Variants in ULK4 observed in about 807,000 individuals in gnomAD.
ULK4 encodes inactive serine/threonine-protein kinase ULK4.
In ULK4, 133 loss-of-function variants were observed where a neutral mutation model predicts 160.6. The observed-to-expected ratio is 0.83, with a 90% CI of 0.72 to 0.96. The LOEUF (loss-of-function observed/expected upper bound fraction) is 0.96. Among genes scored for constraint, ULK4 ranks in the 40% least tolerant of loss-of-function variants. The probability of loss-of-function intolerance (pLI) is 0.00; values close to 1 mark genes in which losing one functional copy is unlikely to be tolerated. For missense variants in ULK4, 1,580 were observed against 1,499.5 expected (o/e 1.05, Z -0.89); for synonymous variants, 534 against 539.8 (o/e 0.99, Z 0.15).
At chr3:41,657,818 T>TAAAAAAAAAAAAAAAAAAAAAAAAAAACA (rs60281588) in intron 30 of ULK4, among the ~76,000 whole-genome samples, 1 of 99,760 alleles carries the variant, frequency 1.0e-5, no homozygotes, top group African/African-American at 6.7e-5. Flanking sequence ...TCCATCTCAT[T>TAAAAAAAAAAAAAAAAAAAAAAAAAAACA]AAAAAAAAAA....
At position 41,609,345 on chromosome 3, in the gene ULK4, C is replaced by T. The variant is rs565576574; in HGVS notation, c.3120+6324G>A. 6.6e-5 allele frequency among the ~76,000 whole-genome samples: 10 copies of T among 152,274 alleles called. No homozygotes were observed. The South Asian group carries it at 1.9e-3, about 28-fold the overall frequency. Reference sequence around the variant, plus strand: ...TTCAGTTGTCACATGAGCAACTTCACTTCATTCAATCCAGTATCAATAGAT... The same window carrying T: ...TTCAGTTGTCACATGAGCAACTTCATTTCATTCAATCCAGTATCAATAGAT... On this transcript the variant is annotated intron_variant, in intron 31 of 36. Transcript: ENST00000301831.
intron 27 of ULK4, among the ~76,000 whole-genome samples, chr3:41,685,526 C>A (rs1227952961): frequency 6.6e-6 from 1 of 152,168 alleles, no homozygotes; most frequent in East Asian, 1.9e-4. Flanking sequence ...CAAGAACTGT[C>A]CTTAGGAGAT....
intron 35 of ULK4, among the ~76,000 whole-genome samples, chr3:41,329,091 T>C (rs896708740): frequency 1.3e-5 from 2 of 152,200 alleles, no homozygotes; most frequent in African/African-American, 4.8e-5. Context: ...TCTGTCTCCA[T>C]AGTTTTGTCA....
At chr3:41,667,189 A>C (rs1214204306) in intron 29 of ULK4, among the ~76,000 whole-genome samples, 4 of 151,914 alleles carry the variant, frequency 2.6e-5, no homozygotes. Context: ...CACAAAAAAA[A>C]CACTGCTGAA....
At chr3:41,524,425 C>G (rs1039732434) in intron 32 of ULK4, among the ~76,000 whole-genome samples, 7 of 152,120 alleles carry the variant, frequency 4.6e-5, no homozygotes, top group African/African-American at 1.7e-4. Context: ...AAAGAGATGC[C>G]CAGTAGTGAC....
intron 30 of ULK4, among the ~76,000 whole-genome samples, chr3:41,619,986 T>C (rs1031194171): frequency 2.0e-5 from 3 of 152,040 alleles, no homozygotes; most frequent in African/African-American, 7.2e-5. Flanking sequence ...TACAAAAACC[T>C]CTATGCAAAT....
intron 34 of ULK4, among the ~76,000 whole-genome samples, chr3:41,420,712 C>G (rs1048268764): frequency 1.3e-5 from 2 of 151,236 alleles, no homozygotes; most frequent in African/African-American, 4.9e-5. Context: ...CTCAAACTCC[C>G]AACCTCAGGT....
At position 41,306,335 on chromosome 3, in the gene ULK4, C is replaced by T. The variant is rs1191441690; in HGVS notation, c.3679-56761G>A. On this transcript the variant is annotated intron_variant, in intron 35 of 36. Transcript: ENST00000301831. ...CCTCTGCCCCGCCAGCCGCCCCATC[C>T]GGGAGGGAGGTGGGGGGGTCAGCCC... Among the ~76,000 whole-genome samples, 115 of 127,302 alleles carry T rather than the reference C, an allele frequency of 9.0e-4. 3 individuals carry two copies. Among genetic ancestry groups the T allele is most frequent in the African/African-American group, 3.8e-3 (94 of 25,034 alleles). 83.5% of individuals were successfully genotyped at this position (127,302 alleles called of 152,430 possible).
At chr3:41,412,858 G>A (rs1430999087) in intron 34 of ULK4, among the ~76,000 whole-genome samples, 1 of 152,052 alleles carries the variant, frequency 6.6e-6, no homozygotes, top group African/African-American at 2.4e-5. Context: ...ACTGTGCCTG[G>A]CCAAGAGAAT....
At chr3:41,249,397 G>T in intron 36 of ULK4, 92 bp downstream of exon 36, 1 of 1,189,306 alleles carries the variant, frequency 8.4e-7, no homozygotes, top group East Asian at 2.5e-5. Flanking sequence ...TCCCTGGTGT[G>T]GAGGGAGATG....
At chr3:41,946,588 T>G (rs1700117913) in intron 2 of ULK4, among the ~76,000 whole-genome samples, 1 of 152,228 alleles carries the variant, frequency 6.6e-6, no homozygotes, top group Non-Finnish European at 1.5e-5. Flanking sequence ...TGGAATCCAG[T>G]ACATTTCCCA....
At chr3:41,473,643 C>G (rs377559663) in intron 32 of ULK4, among the ~76,000 whole-genome samples, 25 of 91,948 alleles carry the variant, frequency 2.7e-4, no homozygotes, top group African/African-American at 1.2e-3. Flanking sequence ...GGCTGGGCAA[C>G]AGAATGAGAT....
chr3:41,398,260 G>A lies in ULK4; in HGVS notation c.3497C>T (p.Pro1166Leu), dbSNP rs1416557537. Residue 1166 changes from proline (P) to leucine (L), a missense_variant, in exon 35 of 37, where the codon CCT becomes CTT. Physicochemically the swap from Pro to Leu is moderately conservative, Grantham distance 98. Coordinates refer to ENST00000301831, the MANE Select transcript of ULK4 (RefSeq NM_017886.4). ...ATCAAAAATCTCAGGATCTTCATTA[G>A]GAAGCTGAAAATTAACAAATAAGAC... The part of the protein sequence containing the change: ...DLISLLIPLL[P>L]NEDPEIFDVS... 6.2e-7 allele frequency: 1 copy of A among 1,610,960 alleles called. No individual in the cohort carries two copies. Among genetic ancestry groups the A allele is most frequent in the Non-Finnish European group, 8.5e-7 (1 of 1,179,030 alleles).
At chr3:41,587,789 A>G (rs1203455304) in intron 31 of ULK4, among the ~76,000 whole-genome samples, 1 of 152,188 alleles carries the variant, frequency 6.6e-6, no homozygotes, top group African/African-American at 2.4e-5. Flanking sequence ...AGTGTTGTTC[A>G]TGTCACAGAT....
In ULK4 at chr3:41,775,208, A is replaced by T. The variant is rs190421781; in HGVS notation, c.2193+14453T>A. ...GCACGTTGTGCACATGTACCCTAAA[A>T]GTATAATAATAATAAAAGTAATAAA... On this transcript the variant is annotated intron_variant, in intron 21 of 36. Transcript: ENST00000301831. Among the ~76,000 whole-genome samples, 94 of 150,694 alleles carry T rather than the reference A, an allele frequency of 6.2e-4. No individual in the cohort carries two copies. In the East Asian group the frequency reaches 0.016, roughly 26 times the overall value.
rs141301757 is a variant in ULK4 at position 41,659,210 on chromosome 3, T to C, written c.3071+4397A>G. Among the ~76,000 whole-genome samples, 257 of 152,352 alleles carry C rather than the reference T, an allele frequency of 1.7e-3. 1 individual carries two copies. The highest frequency in any genetic ancestry group is 6.0e-3 in the African/African-American group (248 of 41,582). ...GAAAACTCCTTTGTGGTACAGTGTA[T>C]CTGTTGGATCTGGTTTACCAAAAGC... On this transcript the variant is annotated intron_variant, in intron 30 of 36. Coordinates refer to ENST00000301831, the MANE Select transcript of ULK4 (RefSeq NM_017886.4).
At chr3:41,939,164 T>C (rs1699874081) in intron 2 of ULK4, among the ~76,000 whole-genome samples, 1 of 13,558 alleles carries the variant, frequency 7.4e-5, no homozygotes, top group African/African-American at 7.7e-5. Flanking sequence ...ATGATTACCC[T>C]TTTTTTTTTT....
chr3:41,874,172 T>C (rs1033145406), intron 17 of ULK4, among the ~76,000 whole-genome samples: 21 of 152,198 alleles, frequency 1.4e-4, no homozygotes, highest in Non-Finnish European at 2.6e-4. Context: ...TGTGTAGTTG[T>C]TCTAGTAATG....
intron 21 of ULK4, among the ~76,000 whole-genome samples, chr3:41,773,521 C>G (rs868730652): frequency 4.3e-4 from 66 of 152,006 alleles, no homozygotes; most frequent in South Asian, 1.9e-3. Context: ...AAAGGGATGT[C>G]AAGGACCTCT....
Sources: gnomAD v4.1 joint callset for allele counts (sites outside exome capture counted in the v4.1 genomes callset) on GRCh38, gnomAD v4.1.1 for gene constraint, MANE v1.5 for transcripts, NCBI Gene and HGNC (gene_info 2026-07-23, HGNC 2026-07-21) for gene names.